The following ZDHHC21 variants were observed in gnomAD, a reference collection of about 807,000 sequenced individuals.
ZDHHC21 encodes the protein zDHHC palmitoyltransferase 21, also known as palmitoyltransferase ZDHHC21.
A neutral mutation model predicts 34.6 loss-of-function variants in ZDHHC21; 15 were observed. The observed-to-expected ratio is 0.43, with a 90% CI of 0.29 to 0.67. ZDHHC21 has a LOEUF of 0.67. ZDHHC21 is among the 30% of genes least tolerant of loss of function. ZDHHC21 has a pLI of 0.14. For synonymous variants in ZDHHC21, 142 were observed against 101.8 expected (o/e 1.40, Z -2.38); for missense variants, 344 against 327.7 (o/e 1.05, Z -0.38).
chr9:14,657,750 CCTGT>C lies in ZDHHC21; in HGVS notation c.504+995_504+998del, dbSNP rs1186148272. Among the ~76,000 whole-genome samples the C allele has an allele frequency of 4.6e-5, 7 of 152,208 alleles. No homozygotes were observed. The South Asian group carries it at 8.3e-4, about 18-fold the overall frequency. Reference sequence around the variant, plus strand: ...CTACAATGCATTCGTTACCTCTTAGCCTGTCTTTGTTTTTCATTAACACCACTAA... The same window carrying C: ...CTACAATGCATTCGTTACCTCTTAGCCTTTGTTTTTCATTAACACCACTAA... On this transcript the variant is annotated intron_variant, in intron 7 of 9. Coordinates refer to ENST00000380916, the MANE Select transcript of ZDHHC21 (RefSeq NM_178566.6).
At chr9:14,651,936 T>C (rs748107008) in intron 7 of ZDHHC21, among the ~76,000 whole-genome samples, 17 of 151,956 alleles carry the variant, frequency 1.1e-4, no homozygotes, top group Non-Finnish European at 1.3e-4. Flanking sequence ...TTTTAGAACC[T>C]AGACAATGAT....
intron 5 of ZDHHC21, among the ~76,000 whole-genome samples, chr9:14,669,030 C>T (rs1185774401): frequency 7.6e-6 from 1 of 130,876 alleles, no homozygotes; most frequent in Non-Finnish European, 1.6e-5. Context: ...AGAGCTTCTG[C>T]ACAGCAAAAG....
chr9:14,667,867 A>C (rs1387599916), intron 5 of ZDHHC21, among the ~76,000 whole-genome samples: 1 of 11,176 alleles, frequency 8.9e-5, no homozygotes, highest in Non-Finnish European at 2.0e-4. Flanking sequence ...AATAAGAGCT[A>C]TCTATGACAA....
intron 5 of ZDHHC21, among the ~76,000 whole-genome samples, chr9:14,664,664 T>C (rs190770903): frequency 1.2e-3 from 184 of 151,728 alleles, no homozygotes; most frequent in Middle Eastern, 6.8e-3. Flanking sequence ...ATCTGAGAAC[T>C]GGCAGACTGC....
intron 1 of ZDHHC21, among the ~76,000 whole-genome samples, 190 bp from the exon 2 acceptor site, chr9:14,690,575 C>T (rs921729347): frequency 2.0e-5 from 3 of 151,978 alleles, no homozygotes; most frequent in African/African-American, 7.3e-5. Context: ...GTTAATCTAC[C>T]CTGAGAGAAA....
chr9:14,625,482 T>C (rs1296557489), intron 8 of ZDHHC21, among the ~76,000 whole-genome samples: 1 of 152,046 alleles, frequency 6.6e-6, no homozygotes, highest in African/African-American at 2.4e-5. Context: ...TGCCACTTTC[T>C]GACTGTATAA....
In ZDHHC21 at chr9:14,617,763, C is replaced by T. The variant is rs1824513164; in HGVS notation, c.*1203G>A. ...ATTTGTACAAGGCTAATGATAAACA[C>T]AGATCATTATATTTTCTTATTTTAG... On this transcript the variant is annotated 3_prime_UTR_variant, in exon 10 of 10. Transcript: ENST00000380916. The T allele has an allele frequency of 6.6e-6, 1 of 151,908 alleles. No homozygotes were observed. The highest frequency in any genetic ancestry group is 2.4e-5 in the African/African-American group (1 of 41,410). The allele number at this position is 151,908 out of a possible 1,614,324, so 9.4% of individuals were successfully genotyped here.
chr9:14,630,696 T>G (rs1370807812), intron 8 of ZDHHC21, among the ~76,000 whole-genome samples: 1 of 152,214 alleles, frequency 6.6e-6, no homozygotes, highest in Non-Finnish European at 1.5e-5. Flanking sequence ...TTACTACTCC[T>G]TGATCCATGG....
At chr9:14,670,857 A>G (rs1835313879) in intron 5 of ZDHHC21, among the ~76,000 whole-genome samples, 1 of 152,108 alleles carries the variant, frequency 6.6e-6, no homozygotes, top group Non-Finnish European at 1.5e-5. Context: ...GCAAGAAAAA[A>G]AATCCATCCA....
chr9:14,691,593 T>G (rs1176733647), intron 1 of ZDHHC21, among the ~76,000 whole-genome samples: 1 of 152,232 alleles, frequency 6.6e-6, no homozygotes, highest in Non-Finnish European at 1.5e-5. Flanking sequence ...TAGATTTCTC[T>G]TATTAAACAA....
intron 7 of ZDHHC21, among the ~76,000 whole-genome samples, chr9:14,642,769 G>A (rs1014750772): frequency 6.6e-6 from 1 of 152,174 alleles, no homozygotes; most frequent in African/African-American, 2.4e-5. Flanking sequence ...CAGAATGTGA[G>A]AAAATGAATT....
intron 2 of ZDHHC21, among the ~76,000 whole-genome samples, chr9:14,682,012 G>A (rs1837468873): frequency 6.6e-6 from 1 of 152,082 alleles, no homozygotes; most frequent in African/African-American, 2.4e-5. Flanking sequence ...TCACCACCAG[G>A]CCTGCCCTAC....
chr9:14,594,086 G>C, the ZDHHC21 span: 1 of 152,182 alleles, frequency 6.6e-6, no homozygotes, highest in Non-Finnish European at 1.5e-5. Flanking sequence ...TTCAAAAATT[G>C]CTAGATAAGA....
At chr9:14,609,917 T>C (rs1406622872), downstream of ZDHHC21, among the ~76,000 whole-genome samples, 2 of 152,094 alleles carry the variant, frequency 1.3e-5, no homozygotes. Context: ...CTTCTCCAGA[T>C]ACTTCTAACA....
chr9:14,606,950 C>T (rs1319648382), downstream of ZDHHC21, among the ~76,000 whole-genome samples: 1 of 151,910 alleles, frequency 6.6e-6, no homozygotes, highest in South Asian at 2.1e-4. Flanking sequence ...TTTGGTACTT[C>T]CTATCAAAAT....
the ZDHHC21 span, among the ~76,000 whole-genome samples, chr9:14,604,571 T>G: frequency 0.45 from 68,965 of 151,822 alleles, 15,810 homozygotes; most frequent in Middle Eastern, 0.52. Context: ...ACATTGCATG[T>G]TTTTAGAAAA....
intron 8 of ZDHHC21, among the ~76,000 whole-genome samples, chr9:14,639,235 T>C (rs912357281): frequency 6.6e-6 from 1 of 152,094 alleles, no homozygotes; most frequent in African/African-American, 2.4e-5. Context: ...GAGGTCATTA[T>C]GTTAAATGAA....
chr9:14,691,039 C>T (rs1232959039), intron 1 of ZDHHC21, among the ~76,000 whole-genome samples: 2 of 152,122 alleles, frequency 1.3e-5, no homozygotes, highest in Admixed American at 6.5e-5. Flanking sequence ...TAAAAACAGC[C>T]TTTCCTCTGC....
chr9:14,638,003 T>G (rs72704924), intron 8 of ZDHHC21, among the ~76,000 whole-genome samples: 5,193 of 152,078 alleles, frequency 0.034, 126 homozygotes, highest in Non-Finnish European at 0.048. Flanking sequence ...CAACATCATT[T>G]TTCATACAAT....
Sources: gnomAD v4.1 joint callset for allele counts (sites outside exome capture counted in the v4.1 genomes callset) on GRCh38, gnomAD v4.1.1 for gene constraint, MANE v1.5 for transcripts, NCBI Gene and HGNC (gene_info 2026-07-23, HGNC 2026-07-21) for gene names.